Variants in TRIM7 observed in about 807,000 individuals in gnomAD.
The protein encoded by TRIM7 is E3 ubiquitin-protein ligase TRIM7.
In TRIM7, 32 loss-of-function variants were observed where a neutral mutation model predicts 37.9. That is an observed-to-expected ratio of 0.84 (90% CI 0.64 to 1.13). The LOEUF is 1.13. Among genes scored for constraint, TRIM7 ranks in the 50% most tolerant of loss-of-function variants. The probability of loss-of-function intolerance (pLI) is 0.00; values close to 1 mark genes in which losing one functional copy is unlikely to be tolerated. For synonymous variants in TRIM7, 351 were observed against 321.3 expected, an observed-to-expected ratio of 1.09 and a Z score of -0.99; for missense variants, 732 against 714.0, an observed-to-expected ratio of 1.03 and a Z score of -0.29.
chr5:181,203,694 C>T, intron 1 of TRIM7, 54 bp from the exon 2 acceptor site: 1 of 1,553,542 alleles, frequency 6.4e-7, no homozygotes, highest in African/African-American at 1.4e-5. Context: ...CTGGAAACCC[C>T]CACCTCTGCC....
At chr5:181,202,606 T>G (rs404450) in intron 2 of TRIM7, 58,000 of 146,038 alleles carry the variant, frequency 0.4, 13,213 homozygotes, top group African/African-American at 0.65. Flanking sequence ...TCGCTCTGTC[T>G]CCCAGGCTGG....
Position 181,205,129 on chromosome 5 carries a change from C to G in TRIM7, c.-19G>C. On this transcript the variant is annotated 5_prime_UTR_variant, in exon 1 of 7. Coordinates refer to ENST00000274773, the MANE Select transcript of TRIM7 (RefSeq NM_203293.3). The stretch of plus-strand genomic sequence containing the variant: ...CCGCCATGCGCGCTCTCCGCGCACC[C>G]AGATCTGGTCGCGCCTGGGCGGCCA... 7.7e-7 allele frequency: 1 copy of G among 1,294,278 alleles called. No individual in the cohort carries two copies. Among genetic ancestry groups the G allele is most frequent in the East Asian group, 3.1e-5 (1 of 31,900 alleles). 80.2% of individuals were successfully genotyped at this position (1,294,278 alleles called of 1,614,324 possible).
Position 181,198,789 on chromosome 5 carries a change from C to G in TRIM7, c.889G>C (p.Gly297Arg), listed in dbSNP as rs1178822447. 1 of 1,613,626 alleles carries G rather than the reference C, an allele frequency of 6.2e-7. No homozygotes were observed. Among genetic ancestry groups the G allele is most frequent in the African/African-American group, 1.3e-5 (1 of 74,898 alleles). ...STLSRCSNVP[G>R]PKPTTVSSEM... is the part of the protein sequence containing the mutation. ...GAAGAGACTGTGGTTGGCTTGGGGC[C>G]AGGCACATTGCTACACCTGCAGGAC... The change falls in exon 5 of 7, where the codon GGC becomes CGC. Residue 297 changes from glycine to arginine, a missense_variant. Coordinates refer to ENST00000274773, the MANE Select transcript of TRIM7 (RefSeq NM_203293.3).
chr5:181,204,325 T>G, intron 1 of TRIM7: 3 of 1,170,482 alleles, frequency 2.6e-6, no homozygotes, highest in East Asian at 3.9e-5. Flanking sequence ...GCCAAGTCCG[T>G]GGGGGACGTC....
At position 181,198,214 on chromosome 5, in the gene TRIM7, G is replaced by T. The variant is rs374765751; in HGVS notation, c.993C>A (p.Asp331Glu). ...LKGMLKKFKEDLRGELEKEEK... is the reference protein window; with the variant it reads ...LKGMLKKFKEELRGELEKEEK... The stretch of plus-strand genomic sequence containing the variant: ...CCTCTTTCTCCAGCTCTCCCCGAAG[G>T]TCCTCTGAGGAGGAGAAACAAAGCA... Residue 331 changes from aspartate to glutamate, a missense_variant, in exon 6 of 7, where the codon GAC becomes GAA. Transcript: ENST00000274773. 8.7e-6 allele frequency: 14 copies of T among 1,614,008 alleles called. No homozygotes were observed. The East Asian group carries it at 2.2e-4, about 26-fold the overall frequency.
Position 181,198,787 on chromosome 5 carries a change from G to C in TRIM7, c.891C>G (p.Gly297=), listed in dbSNP as rs557058588. The change falls in exon 5 of 7, where the codon GGC becomes GGG. Residue 297 remains glycine, a synonymous_variant. Transcript: ENST00000274773. ...CAGAAGAGACTGTGGTTGGCTTGGGGCCAGGCACATTGCTACACCTGCAGG... is the reference window on the plus strand; with the variant it reads ...CAGAAGAGACTGTGGTTGGCTTGGGCCCAGGCACATTGCTACACCTGCAGG... ...STLSRCSNVP[G]PKPTTVSSEM... 1 of 1,613,830 alleles carries C rather than the reference G, an allele frequency of 6.2e-7. No homozygotes were observed. Among genetic ancestry groups the C allele is most frequent in the Non-Finnish European group, 8.5e-7 (1 of 1,179,818 alleles).
chr5:181,203,272 A>G lies in TRIM7; in HGVS notation c.618+273T>C. The G allele has an allele frequency of 2.3e-6, 3 of 1,291,968 alleles. No individual in the cohort carries two copies. In the South Asian group the frequency reaches 7.7e-5, roughly 33 times the overall value. 80.0% of individuals were successfully genotyped at this position (1,291,968 alleles called of 1,614,324 possible). A position where few individuals can be genotyped will look rare whatever the true frequency, so the allele number is the denominator to read the frequency against. On this transcript the variant is annotated intron_variant, in intron 2 of 6. Transcript: ENST00000274773. ...GGCCCTAACTGGTATGTTACGTAAT[A>G]TCAGAGTGACTGAGCGTCCTGATTC... is the stretch of plus-strand genomic sequence containing the variant.
rs1757749547 is a variant in TRIM7 at position 181,205,156 on chromosome 5, T to C, written c.-46A>G. On this transcript the variant is annotated 5_prime_UTR_variant, in exon 1 of 7. Transcript: ENST00000274773. The stretch of plus-strand genomic sequence containing the variant: ...GATCTGGTCGCGCCTGGGCGGCCAC[T>C]GGACCTCACAGGACGCGGAGCTGGG... The C allele has an allele frequency of 7.8e-7, 1 of 1,275,758 alleles. No homozygotes were observed. The highest frequency in any genetic ancestry group is 9.9e-7 in the Non-Finnish European group (1 of 1,010,510). 79.0% of individuals were successfully genotyped at this position (1,275,758 alleles called of 1,614,324 possible). A position where few individuals can be genotyped will look rare whatever the true frequency, so the allele number is the denominator to read the frequency against.
chr5:181,205,176 G>T lies in TRIM7; in HGVS notation c.-66C>A. On this transcript the variant is annotated 5_prime_UTR_variant, in exon 1 of 7. Transcript: ENST00000274773. Reference sequence around the variant, plus strand: ...GCCACTGGACCTCACAGGACGCGGAGCTGGGCGCCGAGGGCCCACTGGGAG... The same window carrying T: ...GCCACTGGACCTCACAGGACGCGGATCTGGGCGCCGAGGGCCCACTGGGAG... 2 of 1,267,224 alleles carry T rather than the reference G, an allele frequency of 1.6e-6. No individual in the cohort carries two copies. Among genetic ancestry groups the T allele is most frequent in the Non-Finnish European group, 2.0e-6 (2 of 1,004,790 alleles). 78.5% of individuals were successfully genotyped at this position (1,267,224 alleles called of 1,614,324 possible). A position where few individuals can be genotyped will look rare whatever the true frequency, so the allele number is the denominator to read the frequency against.
Position 181,198,763 on chromosome 5 carries a change from A to G in TRIM7, c.915T>C (p.Ser305=), listed in dbSNP as rs753105140. 42 of 1,613,708 alleles carry G rather than the reference A, an allele frequency of 2.6e-5. No homozygotes were observed. Among genetic ancestry groups the G allele is most frequent in the Non-Finnish European group, 5.1e-6 (6 of 1,179,708 alleles). Residue 305 remains serine (S), a synonymous_variant, in exon 5 of 7, where the codon TCT becomes TCC. Transcript: ENST00000274773. ...CATTCCAGACTTTATTCTTCATCTC[A>G]GAAGAGACTGTGGTTGGCTTGGGGC... is the stretch of plus-strand genomic sequence containing the variant. The part of the protein sequence containing the change: ...VPGPKPTTVS[S]EMKNKVWNVS...
chr5:181,203,748 G>C (rs1002143576), intron 1 of TRIM7, 108 bp from the exon 2 acceptor site: 72 of 1,491,748 alleles, frequency 4.8e-5, no homozygotes, highest in Non-Finnish European at 6.1e-5. Flanking sequence ...TGCTCACTGA[G>C]GGGGAGGCCG....
At position 181,204,883 on chromosome 5, in the gene TRIM7, C is replaced by A; in HGVS notation, c.228G>T (p.Leu76=). The change falls in exon 1 of 7, where the codon CTG becomes CTT. Residue 76 remains leucine, a synonymous_variant. Transcript: ENST00000274773. ...GAATRAPPFP[L]PCPQCREPAR... ...CGGGCTCGCGGCACTGCGGACAGGGCAGTGGGAAGGGGGGCGCGCGGGTGG... is the reference window on the plus strand; with the variant it reads ...CGGGCTCGCGGCACTGCGGACAGGGAAGTGGGAAGGGGGGCGCGCGGGTGG... 1 of 1,369,824 alleles carries A rather than the reference C, an allele frequency of 7.3e-7. No homozygotes were observed. The highest frequency in any genetic ancestry group is 1.7e-5 in the South Asian group (1 of 57,976). 84.9% of individuals were successfully genotyped at this position (1,369,824 alleles called of 1,614,324 possible).
chr5:181,203,942 T>C, intron 1 of TRIM7: 5 of 1,150,018 alleles, frequency 4.3e-6, no homozygotes, highest in Non-Finnish European at 5.4e-6. Context: ...GCTGGGAGAG[T>C]TGGAGCAGGA....
At chr5:181,198,876 G>A in intron 4 of TRIM7, 71 bp from the exon 5 acceptor site, 1 of 1,284,844 alleles carries the variant, frequency 7.8e-7, no homozygotes. Context: ...CAATTAGGAT[G>A]GCGAGGTCCT....
chr5:181,200,060 C>T lies in TRIM7; in HGVS notation c.640G>A (p.Glu214Lys), dbSNP rs758060160. The change falls in exon 3 of 7, where the codon GAG (glutamate) becomes AAG (lysine). Residue 214 changes from glutamate (E) to lysine (K), a missense_variant. Physicochemically the swap from Glu to Lys is moderately conservative, Grantham distance 56. Coordinates refer to ENST00000274773, the MANE Select transcript of TRIM7 (RefSeq NM_203293.3). ...ELLKQMAAEQEKVGAEFQALR... is the reference protein window; with the variant it reads ...ELLKQMAAEQKKVGAEFQALR... ...GCCTGGAACTCTGCCCCCACCTTCTCCTGCTCCGCTGCCATCTGTTTCTGT... is the reference window on the plus strand; with the variant it reads ...GCCTGGAACTCTGCCCCCACCTTCTTCTGCTCCGCTGCCATCTGTTTCTGT... 7 of 1,614,270 alleles carry T rather than the reference C, an allele frequency of 4.3e-6. No homozygotes were observed. The highest frequency in any genetic ancestry group is 5.1e-6 in the Non-Finnish European group (6 of 1,180,050).
intron 5 of TRIM7, among the ~76,000 whole-genome samples, 185 bp downstream of exon 5, chr5:181,198,505 G>A (rs968436919): frequency 1.3e-5 from 2 of 152,142 alleles, no homozygotes; most frequent in African/African-American, 4.8e-5. Flanking sequence ...CCCATGAGAA[G>A]CGGCATGCCC....
chr5:181,203,859 GA>G, intron 1 of TRIM7: 3 of 1,305,220 alleles, frequency 2.3e-6, no homozygotes, highest in Non-Finnish European at 2.9e-6. Flanking sequence ...CAGCCAGACT[GA>G]AACACAAGCT....
intron 5 of TRIM7, among the ~76,000 whole-genome samples, 184 bp downstream of exon 5, chr5:181,198,506 C>T (rs549951265): frequency 1.3e-4 from 20 of 152,288 alleles, no homozygotes; most frequent in Admixed American, 7.2e-4. Context: ...CCATGAGAAG[C>T]GGCATGCCCT....
At chr5:181,200,194 C>T (rs749704803) in intron 2 of TRIM7, 113 bp from the exon 3 acceptor site, 10 of 1,590,746 alleles carry the variant, frequency 6.3e-6, no homozygotes, top group African/African-American at 1.3e-5. Context: ...GCTGGAGGAT[C>T]GGAGACACAC....
Sources: allele counts gnomAD v4.1 joint callset (sites outside exome capture counted in the v4.1 genomes callset), GRCh38; gene constraint gnomAD v4.1.1; transcripts MANE v1.5; gene names NCBI Gene and HGNC (gene_info 2026-07-23, HGNC 2026-07-21).